DDX5: variants seen among roughly 807,000 people sequenced by gnomAD.
DDX5 encodes the protein DEAD-box helicase 5.
A neutral mutation model predicts 68.6 loss-of-function variants in DDX5; 6 were observed. That is an observed-to-expected ratio of 0.09 (90% confidence interval 0.05 to 0.17). The LOEUF is 0.17. DDX5 is among the 10% of genes least tolerant of loss of function. The pLI is 1.00. For synonymous variants in DDX5, 350 were observed against 247.0 expected (o/e 1.42, Z -3.91); for missense variants, 499 against 756.1 (o/e 0.66, Z 3.99).
chr17:64,505,733 C>T (rs1555672221), intron 1 of DDX5: 2 of 1,536,126 alleles, frequency 1.3e-6, no homozygotes, highest in Non-Finnish European at 1.7e-6. Context: ...AAACACCTCC[C>T]GAAACGCCGC....
chr17:64,501,012 ATG>A (rs1555671028), intron 11 of DDX5: 4 of 559,050 alleles, frequency 7.2e-6, no homozygotes, highest in African/African-American at 5.6e-5. Flanking sequence ...GTCAAAAGGA[ATG>A]TGTGTTCCCT....
chr17:64,503,125 G>C (rs531867830), intron 7 of DDX5, 27 bp from the exon 8 acceptor site: 1 of 1,611,474 alleles, frequency 6.2e-7, no homozygotes, highest in Admixed American at 1.7e-5. Context: ...GGAAAAATTA[G>C]TATCAGACTC....
intron 1 of DDX5, chr17:64,505,599 C>G (rs1555672128): frequency 2.3e-6 from 2 of 861,192 alleles, no homozygotes; most frequent in Admixed American, 2.1e-5. Context: ...GCCGCCATGT[C>G]CGAGGCCGGC....
At position 64,506,063 on chromosome 17, in the gene DDX5, C is replaced by A; in HGVS notation, c.44+13G>T. ...CCACCCGCCAGGCCTGACAGCTCGG[C>A]TCCCAAACTCACCCTCGGTCCCGGC... On this transcript the variant is annotated intron_variant, in intron 1 of 12. Coordinates refer to ENST00000225792, the MANE Select transcript of DDX5 (RefSeq NM_004396.5). The A allele has an allele frequency of 6.4e-7, 1 of 1,561,874 alleles. No homozygotes were observed. The highest frequency in any genetic ancestry group is 1.1e-5 in the South Asian group (1 of 87,362).
At position 64,504,079 on chromosome 17, in the gene DDX5, A is replaced by T. The variant is rs2038363822; in HGVS notation, c.345T>A (p.Thr115=). 1 of 1,614,180 alleles carries T rather than the reference A, an allele frequency of 6.2e-7. No individual in the cohort carries two copies. Among genetic ancestry groups the T allele is most frequent in the Non-Finnish European group, 8.5e-7 (1 of 1,179,982 alleles). ...VMDVIARQNF[T]EPTAIQAQGW... ...CCTGAGCTTGAATAGCAGTGGGTTC[A>T]GTGAAATTCTGTCTTGCAATAACAT... The change falls in exon 4 of 13, where the codon ACT becomes ACA. Residue 115 remains threonine (T), a synonymous_variant. Transcript: ENST00000225792.
chr17:64,500,242 CTAAAGGTAT>C lies in DDX5; in HGVS notation c.1517_1525del (p.Asn506_Phe508del), dbSNP rs781789357. 1 of 1,614,214 alleles carries C rather than the reference CTAAAGGTAT, an allele frequency of 6.2e-7. No individual in the cohort carries two copies. The highest frequency in any genetic ancestry group is 8.5e-7 in the Non-Finnish European group (1 of 1,180,028). On this transcript the variant is annotated inframe_deletion, in exon 13 of 13. Transcript: ENST00000225792. ...ACCTCTGTCATAATTTTCCCTGTCT[CTAAAGGTAT>C]TAAATCCACCCCTTTTGCCCGCAGA...
chr17:64,502,285 G>T, intron 9 of DDX5, 62 bp from the exon 10 acceptor site: 2 of 1,571,118 alleles, frequency 1.3e-6, no homozygotes, highest in Middle Eastern at 1.7e-4. Context: ...TCCAGTGCTT[G>T]ACCACTTTTG....
Position 64,504,667 on chromosome 17 carries a change from AT to A in DDX5, c.210+9del. The A allele has an allele frequency of 6.3e-7, 1 of 1,599,818 alleles. No homozygotes were observed. The highest frequency in any genetic ancestry group is 8.5e-7 in the Non-Finnish European group (1 of 1,175,104). ...GTTACAGCCTGATGAAGCCACATGA[AT>A]TTACTCACTGCTGTGCGCCTAGCCA... On this transcript the variant is annotated intron_variant, in intron 2 of 12. Coordinates refer to ENST00000225792, the MANE Select transcript of DDX5 (RefSeq NM_004396.5).
chr17:64,503,148 A>T (rs1555671427), intron 7 of DDX5, 40 bp downstream of exon 7: 4 of 1,612,796 alleles, frequency 2.5e-6, no homozygotes, highest in East Asian at 4.5e-5. Flanking sequence ...AAGAGTGAAA[A>T]CACAATTCAG....
chr17:64,504,525 A>G (rs2038377192), intron 2 of DDX5, 152 bp downstream of exon 2: 1 of 1,062,078 alleles, frequency 9.4e-7, no homozygotes, highest in East Asian at 2.6e-5. Flanking sequence ...AAAGCCACCT[A>G]TATCCAAAAG....
intron 11 of DDX5, 92 bp from the exon 12 acceptor site, chr17:64,500,865 T>G: frequency 4.4e-6 from 4 of 906,396 alleles, no homozygotes; most frequent in Non-Finnish European, 7.1e-6. Context: ...GACAATTGTA[T>G]TCCCAAGAAG....
At chr17:64,504,625 C>A in intron 2 of DDX5, 52 bp downstream of exon 2, 1 of 1,542,742 alleles carries the variant, frequency 6.5e-7, no homozygotes. Context: ...ATTTCATTTA[C>A]TAGAATCCAC....
In DDX5 at chr17:64,504,130, CAG is replaced by C. The variant is rs542870851; in HGVS notation, c.308-16_308-15del. ...CCATGACATTTGCTATAATTAGTAA[CAG>C]ATATTTAGTAAAAATTAGTGATGCC... On this transcript the variant is annotated splice_polypyrimidine_tract_variant and intron_variant, in intron 3 of 12. Transcript: ENST00000225792. 249 of 1,613,908 alleles carry C rather than the reference CAG, an allele frequency of 1.5e-4. 1 individual carries two copies. The South Asian group carries it at 2.7e-3, about 17-fold the overall frequency.
upstream of DDX5, chr17:64,506,444 C>G (rs1385376102): frequency 1.7e-5 from 22 of 1,327,726 alleles, no homozygotes; most frequent in East Asian, 5.6e-4. Context: ...TCACCCCTCC[C>G]CGCGCCACTC....
chr17:64,505,109 C>A, intron 1 of DDX5: 1 of 357,886 alleles, frequency 2.8e-6, no homozygotes, highest in East Asian at 4.6e-5. Context: ...GGAAACTTGT[C>A]ACCCACATGC....
At chr17:64,503,614 GTTTTAAACTGCTAACTTAT>G in intron 5 of DDX5, 43 bp from the exon 6 acceptor site, 1 of 1,606,216 alleles carries the variant, frequency 6.2e-7, no homozygotes, top group Non-Finnish European at 8.5e-7. Context: ...CTGGATACTA[GTTTTAAACTGCTAACTTAT>G]TATACTAGCA....
Position 64,506,186 on chromosome 17 carries a change from T to C in DDX5, c.-67A>G. 6.3e-7 allele frequency: 1 copy of C among 1,583,394 alleles called. No homozygotes were observed. Among genetic ancestry groups the C allele is most frequent in the Non-Finnish European group, 8.6e-7 (1 of 1,164,834 alleles). On this transcript the variant is annotated 5_prime_UTR_variant, in exon 1 of 13. Transcript: ENST00000225792. ...AAAGCGTGCGACAAGTCGCTGGAAA[T>C]GGCCTCGATGACGGCGAAGCCTTGC...
chr17:64,506,115 G>C lies in DDX5; in HGVS notation c.5C>G (p.Ser2Trp). 1.3e-6 allele frequency: 2 copies of C among 1,498,576 alleles called. No individual in the cohort carries two copies. The highest frequency in any genetic ancestry group is 1.8e-6 in the Non-Finnish European group (2 of 1,112,146). 92.8% of individuals were successfully genotyped at this position (1,498,576 alleles called of 1,614,324 possible). A position where few individuals can be genotyped will look rare whatever the true frequency, so the allele number is the denominator to read the frequency against. ...GCGGTCTCGGTCACTCGAATAACCC[G>C]ACATGGCGTCAATGGTTGCGGTTGG... is the stretch of plus-strand genomic sequence containing the variant. M[S>W]GYSSDRDRGR... Residue 2 changes from serine (S) to tryptophan (W), a missense_variant, in exon 1 of 13, where the codon TCG becomes TGG. By Grantham distance (177) the Ser-to-Trp change is radical (BLOSUM62 -3). Transcript: ENST00000225792.
rs1364869169 is a variant in DDX5 at position 64,498,632 on chromosome 17, A to G, written c.*1291T>C. 1.3e-5 allele frequency among the ~76,000 whole-genome samples: 2 copies of G among 152,192 alleles called. No homozygotes were observed. The highest frequency in any genetic ancestry group is 2.9e-5 in the Non-Finnish European group (2 of 68,036). On this transcript the variant is annotated 3_prime_UTR_variant, in exon 13 of 13. Coordinates refer to ENST00000225792, the MANE Select transcript of DDX5 (RefSeq NM_004396.5). ...ACTTTACATTTGACATAAGGCATTA[A>G]CATCAATTAAAGCCTCAGTTTAATA... is the stretch of plus-strand genomic sequence containing the variant.
Sources: allele counts gnomAD v4.1 joint callset (sites outside exome capture counted in the v4.1 genomes callset), GRCh38; gene constraint gnomAD v4.1.1; transcripts MANE v1.5; gene names NCBI Gene and HGNC (gene_info 2026-07-23, HGNC 2026-07-21).